The following ARHGAP15 variants were observed in gnomAD, a reference collection of about 807,000 sequenced individuals.
The protein encoded by ARHGAP15 is Rho GTPase activating protein 15.
Under a neutral mutation model 63.7 loss-of-function variants are expected in ARHGAP15, and 51 were observed. That is an observed-to-expected ratio of 0.80 (90% CI 0.64 to 1.01). The LOEUF (loss-of-function observed/expected upper bound fraction) is 1.01. Ranked by LOEUF, ARHGAP15 falls within the 50% of genes least tolerant of loss-of-function variation. The pLI is 0.00. For missense variants in ARHGAP15, 560 were observed against 564.6 expected, an observed-to-expected ratio of 0.99 and a Z score of 0.08; for synonymous variants, 191 against 193.8, an observed-to-expected ratio of 0.99 and a Z score of 0.12.
At chr2:143,549,703 C>T (rs1695475872) in intron 10 of ARHGAP15, among the ~76,000 whole-genome samples, 1 of 152,192 alleles carries the variant, frequency 6.6e-6, no homozygotes. Flanking sequence ...AGAAAGAAGA[C>T]AGTGGAGAAG....
chr2:143,660,758 T>C (rs912571600), intron 12 of ARHGAP15, among the ~76,000 whole-genome samples: 2 of 152,222 alleles, frequency 1.3e-5, no homozygotes, highest in Admixed American at 6.5e-5. Context: ...TCCTAATTAA[T>C]GACCTTTTAC....
At chr2:143,377,838 G>A (rs1349039099) in intron 6 of ARHGAP15, among the ~76,000 whole-genome samples, 3 of 152,082 alleles carry the variant, frequency 2.0e-5, no homozygotes, top group Middle Eastern at 3.4e-3. Flanking sequence ...GCTCAAAAGC[G>A]AATTCTTTGA....
At chr2:143,671,482 T>A (rs1198188936) in intron 12 of ARHGAP15, among the ~76,000 whole-genome samples, 1 of 152,202 alleles carries the variant, frequency 6.6e-6, no homozygotes, top group Non-Finnish European at 1.5e-5. Context: ...AAGAACTTCA[T>A]CTTTATGGAC....
chr2:143,538,093 A>T (rs1229195294), intron 10 of ARHGAP15, among the ~76,000 whole-genome samples: 1 of 152,140 alleles, frequency 6.6e-6, no homozygotes, highest in Non-Finnish European at 1.5e-5. Flanking sequence ...GAGGTCCTTC[A>T]CATCCCTTGT....
intron 6 of ARHGAP15, among the ~76,000 whole-genome samples, chr2:143,394,774 A>G (rs1236613204): frequency 6.6e-6 from 1 of 152,146 alleles, no homozygotes; most frequent in African/African-American, 2.4e-5. Context: ...TGCTTGTTAG[A>G]GTTAAGGAGA....
At chr2:143,355,991 C>G (rs779191360) in intron 6 of ARHGAP15, among the ~76,000 whole-genome samples, 3 of 151,872 alleles carry the variant, frequency 2.0e-5, no homozygotes, top group African/African-American at 4.8e-5. Context: ...CCTGTCACCA[C>G]TGACAGGCTA....
At chr2:143,466,100 T>C (rs1691195570) in intron 8 of ARHGAP15, among the ~76,000 whole-genome samples, 1 of 152,066 alleles carries the variant, frequency 6.6e-6, no homozygotes, top group African/African-American at 2.4e-5. Flanking sequence ...CACATTGGCA[T>C]GCAGGGTGAG....
chr2:143,279,411 T>C (rs969310429), intron 6 of ARHGAP15, among the ~76,000 whole-genome samples: 3 of 152,176 alleles, frequency 2.0e-5, no homozygotes, highest in Non-Finnish European at 4.4e-5. Context: ...TGCTGGAATC[T>C]GGTTGCAATA....
intron 6 of ARHGAP15, among the ~76,000 whole-genome samples, chr2:143,416,812 T>A (rs1288002899): frequency 1.4e-5 from 1 of 69,312 alleles, no homozygotes; most frequent in African/African-American, 4.9e-5. Flanking sequence ...GCCTGCCACT[T>A]CCCCCACCAC....
chr2:143,410,254 A>T (rs1319492265), intron 6 of ARHGAP15, among the ~76,000 whole-genome samples: 1 of 152,204 alleles, frequency 6.6e-6, no homozygotes, highest in Non-Finnish European at 1.5e-5. Context: ...ATGACAAATA[A>T]GATGTCATCA....
chr2:143,604,466 A>G (rs780150480), intron 11 of ARHGAP15, among the ~76,000 whole-genome samples: 5 of 152,222 alleles, frequency 3.3e-5, no homozygotes, highest in South Asian at 4.1e-4. Flanking sequence ...AAGCTCCTGT[A>G]TTAACTCAGT....
intron 6 of ARHGAP15, chr2:143,350,828 G>T (rs1388851141): frequency 1.0e-5 from 1 of 97,520 alleles, no homozygotes; most frequent in Non-Finnish European, 1.8e-5. Flanking sequence ...GACAGAGCGA[G>T]ACTCAGTCTC....
intron 6 of ARHGAP15, among the ~76,000 whole-genome samples, chr2:143,410,881 G>T (rs1688412511): frequency 6.6e-6 from 1 of 150,482 alleles, no homozygotes; most frequent in Non-Finnish European, 1.5e-5. Context: ...GATCATGATA[G>T]CTTCAATCAG....
chr2:143,596,005 T>C (rs1697501908), intron 11 of ARHGAP15, among the ~76,000 whole-genome samples: 2 of 152,250 alleles, frequency 1.3e-5, no homozygotes, highest in South Asian at 4.1e-4. Context: ...GGTACCATCT[T>C]GGTTTTCTTT....
chr2:143,473,332 T>C (rs1691666851), intron 8 of ARHGAP15, among the ~76,000 whole-genome samples: 1 of 152,152 alleles, frequency 6.6e-6, no homozygotes, highest in African/African-American at 2.4e-5. Flanking sequence ...CGTTCACAGG[T>C]GGCCTTTTCT....
intron 2 of ARHGAP15, among the ~76,000 whole-genome samples, chr2:143,180,321 C>T (rs1691183938): frequency 6.6e-6 from 1 of 152,218 alleles, no homozygotes; most frequent in Non-Finnish European, 1.5e-5. Flanking sequence ...ACATTCTTTG[C>T]TCATCTGTAA....
At chr2:143,197,252 C>G (rs1389288780) in intron 2 of ARHGAP15, among the ~76,000 whole-genome samples, 5 of 151,764 alleles carry the variant, frequency 3.3e-5, no homozygotes, top group African/African-American at 1.2e-4. Flanking sequence ...TATGGATGTA[C>G]TAAATGTGAA....
At chr2:143,663,676 A>T (rs925598714) in intron 12 of ARHGAP15, among the ~76,000 whole-genome samples, 1 of 152,154 alleles carries the variant, frequency 6.6e-6, no homozygotes, top group African/African-American at 2.4e-5. Context: ...AACCCATCTC[A>T]TGTGCAGAGA....
intron 12 of ARHGAP15, among the ~76,000 whole-genome samples, chr2:143,644,444 G>A (rs1680767626): frequency 6.6e-6 from 1 of 151,996 alleles, no homozygotes; most frequent in African/African-American, 2.4e-5. Context: ...AGCTTCCGGG[G>A]AGAAATGAGA....
Sources: allele counts gnomAD v4.1 joint callset (sites outside exome capture counted in the v4.1 genomes callset), GRCh38; gene constraint gnomAD v4.1.1; transcripts MANE v1.5; gene names NCBI Gene and HGNC (gene_info 2026-07-23, HGNC 2026-07-21).